The following WWOX variants were observed in gnomAD, a reference collection of about 807,000 sequenced individuals.
WWOX encodes the protein WW domain-containing oxidoreductase.
In WWOX, 69 loss-of-function variants were observed where a neutral mutation model predicts 46.2. The ratio of observed to expected loss-of-function variants is 1.49; its 90% CI spans 1.23 to 1.82. The LOEUF (loss-of-function observed/expected upper bound fraction) is 1.82. WWOX is among the 40% of genes most tolerant of loss of function. The pLI, the probability that WWOX is intolerant of heterozygous loss-of-function variation, is 0.00. For synonymous variants in WWOX, 359 were observed against 202.6 expected (o/e 1.77, Z -6.56); for missense variants, 919 against 542.6 (o/e 1.69, Z -6.89).
intron 8 of WWOX, among the ~76,000 whole-genome samples, chr16:78,955,942 C>G (rs1278404969): frequency 1.3e-5 from 2 of 151,586 alleles, no homozygotes; most frequent in Non-Finnish European, 2.9e-5. Flanking sequence ...GCCACCATGC[C>G]TGGCCTCTGG....
At chr16:79,178,564 G>C (rs370434092) in intron 8 of WWOX, among the ~76,000 whole-genome samples, 1 of 152,030 alleles carries the variant, frequency 6.6e-6, no homozygotes, top group East Asian at 1.9e-4. Context: ...TGATCCTCCC[G>C]CCTCGACCTC....
chr16:79,183,948 G>A (rs1161342293), intron 8 of WWOX, among the ~76,000 whole-genome samples: 6 of 152,158 alleles, frequency 3.9e-5, no homozygotes, highest in African/African-American at 1.4e-4. Context: ...AAGAAAACAC[G>A]CTTTGGTGTC....
chr16:78,456,610 T>C (rs184519865), intron 8 of WWOX, among the ~76,000 whole-genome samples: 42 of 152,356 alleles, frequency 2.8e-4, no homozygotes, highest in African/African-American at 8.7e-4. Flanking sequence ...TAGTTCATTT[T>C]TATAAAAAAA....
chr16:78,848,914 C>T (rs147833673), intron 8 of WWOX, among the ~76,000 whole-genome samples: 13 of 151,994 alleles, frequency 8.6e-5, no homozygotes, highest in East Asian at 3.9e-4. Flanking sequence ...TAAGTTAGTA[C>T]GCTTCTTTTT....
intron 8 of WWOX, among the ~76,000 whole-genome samples, chr16:79,024,489 A>G (rs1284196252): frequency 1.3e-5 from 2 of 152,070 alleles, no homozygotes; most frequent in East Asian, 3.9e-4. Context: ...GCTGGAGTGC[A>G]GTGGTGCTAT....
chr16:78,429,933 C>G lies in WWOX; in HGVS notation c.792-2555C>G, dbSNP rs183782319. ...GAATGGACTCTCATAAAAAAGCCCACCATTACCAGGTGTGTGGTATTGCAG... is the reference window on the plus strand; with the variant it reads ...GAATGGACTCTCATAAAAAAGCCCAGCATTACCAGGTGTGTGGTATTGCAG... On this transcript the variant is annotated intron_variant, in intron 7 of 8. Transcript: ENST00000566780. Among the ~76,000 whole-genome samples, 20 of 152,278 alleles carry G rather than the reference C, an allele frequency of 1.3e-4. No individual in the cohort carries two copies. In the East Asian group the frequency reaches 3.9e-3, roughly 29 times the overall value.
At chr16:78,603,007 C>A (rs1311517135) in intron 8 of WWOX, among the ~76,000 whole-genome samples, 1 of 152,238 alleles carries the variant, frequency 6.6e-6, no homozygotes, top group African/African-American at 2.4e-5. Context: ...TGTAATACTC[C>A]ACCTTGCCAG....
chr16:78,853,557 G>T (rs1362281985), intron 8 of WWOX, among the ~76,000 whole-genome samples: 2 of 152,180 alleles, frequency 1.3e-5, no homozygotes, highest in South Asian at 4.1e-4. Context: ...CATTACTCAT[G>T]AATCTTCTTG....
chr16:78,144,468 CATATATATATATATATAT>C (rs1215805172), intron 4 of WWOX, among the ~76,000 whole-genome samples: 5 of 14,484 alleles, frequency 3.5e-4, no homozygotes, highest in Admixed American at 2.7e-3. Flanking sequence ...TATATACACA[CATATATATATATATATAT>C]ACACACACAC....
chr16:78,851,640 A>G lies in WWOX; in HGVS notation c.1057-359968A>G, dbSNP rs549377462. 3.9e-5 allele frequency among the ~76,000 whole-genome samples: 6 copies of G among 152,350 alleles called. No individual in the cohort carries two copies. In the East Asian group the frequency reaches 9.7e-4, roughly 25 times the overall value. On this transcript the variant is annotated intron_variant, in intron 8 of 8. Coordinates refer to ENST00000566780, the MANE Select transcript of WWOX (RefSeq NM_016373.4). ...CAACCTAGGACAGTGTCAGACACAT[A>G]GAGATGCTCAATAAATCTTGGCTGA...
intron 8 of WWOX, among the ~76,000 whole-genome samples, chr16:78,975,510 A>G (rs183752314): frequency 1.3e-5 from 2 of 150,780 alleles, no homozygotes; most frequent in African/African-American, 4.9e-5. Flanking sequence ...TTGAGATACG[A>G]CTTTCCTAAT....
At chr16:78,938,040 G>C (rs903173014) in intron 8 of WWOX, among the ~76,000 whole-genome samples, 1 of 152,204 alleles carries the variant, frequency 6.6e-6, no homozygotes, top group Non-Finnish European at 1.5e-5. Flanking sequence ...CCTATGGGGA[G>C]ATAGGTCACT....
At chr16:78,524,196 A>T (rs1290792931) in intron 8 of WWOX, among the ~76,000 whole-genome samples, 1 of 152,088 alleles carries the variant, frequency 6.6e-6, no homozygotes, top group Non-Finnish European at 1.5e-5. Context: ...AAACATTTTT[A>T]TTGCAAAGGT....
rs114683005 is a variant in WWOX at position 78,662,783 on chromosome 16, T to C, written c.1056+230031T>C. Among the ~76,000 whole-genome samples the C allele has an allele frequency of 2.3e-3, 343 of 152,192 alleles. 1 individual carries two copies. The highest frequency in any genetic ancestry group is 7.8e-3 in the African/African-American group (324 of 41,530). ...AAGCTGCACAGTTGTTGGCAAGATG[T>C]AGTGTTTTGGTGGTTCCTGGGCTCT... On this transcript the variant is annotated intron_variant, in intron 8 of 8. Coordinates refer to ENST00000566780, the MANE Select transcript of WWOX (RefSeq NM_016373.4).
intron 5 of WWOX, among the ~76,000 whole-genome samples, chr16:78,386,563 T>C (rs1029626544): frequency 2.0e-5 from 3 of 152,096 alleles, no homozygotes; most frequent in African/African-American, 7.2e-5. Flanking sequence ...TGAGAGGAGA[T>C]AACGTTAGCC....
At chr16:78,706,655 T>A (rs540389831) in intron 8 of WWOX, among the ~76,000 whole-genome samples, 9 of 152,324 alleles carry the variant, frequency 5.9e-5, no homozygotes, top group African/African-American at 2.2e-4. Flanking sequence ...TGAAAACTTA[T>A]CCAGGAGAGG....
intron 6 of WWOX, among the ~76,000 whole-genome samples, chr16:78,392,563 C>T: frequency 6.6e-6 from 1 of 152,140 alleles, no homozygotes; most frequent in East Asian, 1.9e-4. Context: ...CAGAAAACCA[C>T]TTGCTGGTGC....
At chr16:79,109,224 T>A (rs1297900504) in intron 8 of WWOX, among the ~76,000 whole-genome samples, 2 of 152,326 alleles carry the variant, frequency 1.3e-5, no homozygotes, top group African/African-American at 2.4e-5. Flanking sequence ...TTGTCCCTTT[T>A]GCCGCTGTCC....
At chr16:78,618,698 G>A (rs1177000409) in intron 8 of WWOX, among the ~76,000 whole-genome samples, 1 of 152,054 alleles carries the variant, frequency 6.6e-6, no homozygotes, top group Non-Finnish European at 1.5e-5. Flanking sequence ...AATAAAGCTA[G>A]AGTTGCTTTC....
Sources: gnomAD v4.1 joint callset for allele counts (sites outside exome capture counted in the v4.1 genomes callset) on GRCh38, gnomAD v4.1.1 for gene constraint, MANE v1.5 for transcripts, NCBI Gene and HGNC (gene_info 2026-07-23, HGNC 2026-07-21) for gene names.